AKAP12: variants seen among roughly 807,000 people sequenced by gnomAD.
AKAP12 encodes the protein A-kinase anchor protein 12.
AKAP12 carries 32 observed loss-of-function variants against 79.9 expected under a neutral mutation model. The observed-to-expected ratio is 0.40, with a 90% confidence interval of 0.30 to 0.54. The LOEUF is 0.54. AKAP12 is among the 20% of genes least tolerant of loss of function. The pLI is 0.48. For missense variants in AKAP12, 2,074 were observed against 2,177.0 expected (o/e 0.95, Z 0.94); for synonymous variants, 808 against 857.0 (o/e 0.94, Z 1.00).
intron 3 of AKAP12, chr6:151,319,572 A>G (rs891517006): frequency 1.4e-5 from 2 of 145,972 alleles, no homozygotes; most frequent in Non-Finnish European, 3.0e-5. Flanking sequence ...ATAGAGATAT[A>G]TCTCCTCTTT....
Position 151,305,861 on chromosome 6 carries a change from G to A in AKAP12, c.277G>A (p.Ala93Thr), listed in dbSNP as rs758839186. 3.1e-6 allele frequency: 5 copies of A among 1,613,480 alleles called. No individual in the cohort carries two copies. Among genetic ancestry groups the A allele is most frequent in the Admixed American group, 3.3e-5 (2 of 59,904 alleles). ...GQKGALNGQG[A>T]LNSQEEEEVI... The stretch of plus-strand genomic sequence containing the variant: ...GAAAGGAGCCCTGAACGGTCAAGGA[G>A]CCCTAAACAGCCAGGAGGAAGAAGA... Residue 93 changes from alanine (A) to threonine (T), a missense_variant, in exon 3 of 5, where the codon GCC (alanine) becomes ACC (threonine). Ala to Thr is a moderately conservative substitution (Grantham distance 58). Around this residue, in one of 3 missense-constraint regions of AKAP12, gnomAD observed 1,428 missense variants for 1,451.0 expected, o/e 0.98. Transcript: ENST00000402676.
At chr6:151,291,239 G>T (rs1432812782) in intron 2 of AKAP12, among the ~76,000 whole-genome samples, 1 of 152,020 alleles carries the variant, frequency 6.6e-6, no homozygotes, top group African/African-American at 2.4e-5. Flanking sequence ...TGACTTAATT[G>T]GGTTAGGATA....
intron 2 of AKAP12, among the ~76,000 whole-genome samples, chr6:151,275,641 A>G (rs1776277813): frequency 6.6e-6 from 1 of 152,218 alleles, no homozygotes. Context: ...ACATTGATTT[A>G]GGAATTTGGA....
chr6:151,276,849 A>G (rs557589860), intron 2 of AKAP12, among the ~76,000 whole-genome samples: 27 of 152,162 alleles, frequency 1.8e-4, no homozygotes, highest in Non-Finnish European at 3.7e-4. Context: ...TTATCTGTTT[A>G]GTAGTAAGAA....
chr6:151,350,856 A>G lies in AKAP12; in HGVS notation c.2465A>G (p.Lys822Arg). 1.2e-6 allele frequency: 2 copies of G among 1,614,156 alleles called. No individual in the cohort carries two copies. Among genetic ancestry groups the G allele is most frequent in the Non-Finnish European group, 1.7e-6 (2 of 1,180,026 alleles). ...CGAAGGAAGAAAAGGCCAGATGGGA[A>G]ACAAGAACAAGCCCCTGTTGAAGAC... ...PGRRKKRPDG[K>R]QEQAPVEDAG... is the part of the protein sequence containing the mutation. Residue 822 changes from lysine (K) to arginine (R), a missense_variant, in exon 4 of 5, where the codon AAA becomes AGA. Physicochemically the swap from Lys to Arg is conservative, Grantham distance 26. Transcript: ENST00000402676. The surrounding 1 kb of genome is among the most constrained non-coding windows in gnomAD (Gnocchi z 4.8).
chr6:151,252,347 C>T (rs1002608558), intron 2 of AKAP12, among the ~76,000 whole-genome samples: 1 of 152,032 alleles, frequency 6.6e-6, no homozygotes, highest in Non-Finnish European at 1.5e-5. Flanking sequence ...AGGTGCAGGC[C>T]ACCATGCCTG....
At chr6:151,337,535 A>AGAAG (rs1777849496) in intron 3 of AKAP12, among the ~76,000 whole-genome samples, 2 of 151,558 alleles carry the variant, frequency 1.3e-5, no homozygotes, top group African/African-American at 4.9e-5. Flanking sequence ...AAAGAAAGAA[A>AGAAG]GAAAGATAAC....
chr6:151,351,224 G>T lies in AKAP12; in HGVS notation c.2833G>T (p.Glu945Ter). ...EVLEREVIAE[E>*]EPPTVTEPLP... ...ATTGGAAAGAGAAGTAATTGCAGAA[G>T]AAGAACCCCCCACGGTTACTGAACC... Residue 945 changes from glutamate to a stop codon, truncating the protein, a stop_gained, in exon 4 of 5, where the codon GAA (glutamate) becomes TAA (stop). Coordinates refer to ENST00000402676, the MANE Select transcript of AKAP12 (RefSeq NM_005100.4). LOFTEE classifies it high-confidence loss of function. The surrounding 1 kb of genome is among the most constrained non-coding windows in gnomAD (Gnocchi z 4.4). The T allele has an allele frequency of 6.2e-7, 1 of 1,614,230 alleles. No individual in the cohort carries two copies.
At chr6:151,322,049 A>G (rs918282437) in intron 3 of AKAP12, among the ~76,000 whole-genome samples, 2 of 151,356 alleles carry the variant, frequency 1.3e-5, no homozygotes, top group Admixed American at 6.6e-5. Context: ...AGCTGGGATT[A>G]CAGGCGCCCG....
chr6:151,349,485 C>T lies in AKAP12; in HGVS notation c.1094C>T (p.Ala365Val), dbSNP rs897651119. 10 of 1,606,736 alleles carry T rather than the reference C, an allele frequency of 6.2e-6. No individual in the cohort carries two copies. In the Admixed American group the frequency reaches 1.6e-4, roughly 25 times the overall value. ...CACCCACAGGAGCCGGCAGAAAGTG[C>T]CCACGAGCCCCGGTTATCAGCTGAA... ...QAHPQEPAESAHEPRLSAEYE... is the reference protein window; with the variant it reads ...QAHPQEPAESVHEPRLSAEYE... The change falls in exon 4 of 5, where the codon GCC becomes GTC. Residue 365 changes from alanine to valine, a missense_variant. Ala to Val is a moderately conservative substitution (Grantham distance 64). This residue lies in a region of AKAP12 where 1,428 missense variants were observed against 1,451.0 expected (regional missense o/e 0.98). Coordinates refer to ENST00000402676, the MANE Select transcript of AKAP12 (RefSeq NM_005100.4).
intron 3 of AKAP12, among the ~76,000 whole-genome samples, chr6:151,306,568 A>G (rs1776982541): frequency 6.6e-6 from 1 of 152,226 alleles, no homozygotes; most frequent in Admixed American, 6.5e-5. Flanking sequence ...GCTATCAAAT[A>G]TATGTAAAAT....
intron 2 of AKAP12, among the ~76,000 whole-genome samples, chr6:151,298,654 G>A (rs1776788952): frequency 6.6e-6 from 1 of 151,966 alleles, no homozygotes; most frequent in East Asian, 1.9e-4. Context: ...AAATTAGCCA[G>A]GCGTGGTGGC....
chr6:151,260,962 G>A lies in AKAP12; in HGVS notation c.162+20238G>A, dbSNP rs1797417201. On this transcript the variant is annotated intron_variant, in intron 2 of 4. Coordinates refer to ENST00000402676, the MANE Select transcript of AKAP12 (RefSeq NM_005100.4). ...AGCCGAGATCGTGCCACTGCACCCTGGAGCCCTGTGACTCAGGACCCTCTG... is the reference window on the plus strand; with the variant it reads ...AGCCGAGATCGTGCCACTGCACCCTAGAGCCCTGTGACTCAGGACCCTCTG... Among the ~76,000 whole-genome samples the A allele has an allele frequency of 1.3e-5, 2 of 151,510 alleles. 1 individual carries two copies. Among genetic ancestry groups the A allele is most frequent in the South Asian group, 4.2e-4 (2 of 4,800 alleles).
chr6:151,275,546 C>T (rs964848348), intron 2 of AKAP12, among the ~76,000 whole-genome samples: 1 of 152,170 alleles, frequency 6.6e-6, no homozygotes, highest in Non-Finnish European at 1.5e-5. Context: ...CAGACGTCAC[C>T]TTTCTCATGT....
chr6:151,242,802 C>T (rs1247551068), intron 2 of AKAP12, among the ~76,000 whole-genome samples: 1 of 152,198 alleles, frequency 6.6e-6, no homozygotes. Context: ...CTGGTTGTGC[C>T]GACCAACGGT....
chr6:151,327,424 A>AT (rs1036905917), intron 3 of AKAP12, among the ~76,000 whole-genome samples: 49 of 152,054 alleles, frequency 3.2e-4, no homozygotes, highest in Admixed American at 1.8e-3. Flanking sequence ...AAAAATCTCC[A>AT]TTTTTTCCCC....
At chr6:151,240,785 G>GT in intron 2 of AKAP12, 61 bp downstream of exon 2, 1 of 1,103,552 alleles carries the variant, frequency 9.1e-7, no homozygotes, top group Non-Finnish European at 1.1e-6. Flanking sequence ...GGGGGTGGGG[G>GT]TGGGGGGGTC....
At chr6:151,258,188 T>C (rs898424491) in intron 2 of AKAP12, among the ~76,000 whole-genome samples, 1 of 152,218 alleles carries the variant, frequency 6.6e-6, no homozygotes, top group African/African-American at 2.4e-5. Flanking sequence ...ACTGGAGGTA[T>C]TGTAACTGTA....
intron 2 of AKAP12, among the ~76,000 whole-genome samples, chr6:151,254,441 T>A (rs1797250597): frequency 6.6e-6 from 1 of 152,020 alleles, no homozygotes; most frequent in African/African-American, 2.4e-5. Flanking sequence ...AACCTCCGCC[T>A]CCCAGGTTCA....
Sources: gnomAD v4.1 joint callset for allele counts (sites outside exome capture counted in the v4.1 genomes callset) on GRCh38, gnomAD v4.1.1 for gene constraint, gnomAD v4.1.1 regional missense constraint, Gnocchi (gnomAD v3.1) non-coding constraint, MANE v1.5 for transcripts, NCBI Gene and HGNC (gene_info 2026-07-23, HGNC 2026-07-21) for gene names.